The following PLP2 variants were observed in gnomAD, a reference collection of about 807,000 sequenced individuals.
PLP2 encodes proteolipid protein 2, also known as A4 differentiation-dependent protein.
PLP2 carries 8 observed loss-of-function variants against 11.4 expected under a neutral mutation model. The observed-to-expected ratio is 0.70, with a 90% CI of 0.41 to 1.27. PLP2 has a LOEUF of 1.27. Among genes scored for constraint, PLP2 ranks in the 50% most tolerant of loss-of-function variants. PLP2 has a pLI of 0.01. For synonymous variants in PLP2, 50 were observed against 53.2 expected, an observed-to-expected ratio of 0.94 and a Z score of 0.26; for missense variants, 127 against 123.5, an observed-to-expected ratio of 1.03 and a Z score of -0.14.
chrX:49,174,469 G>T, intron 4 of PLP2, 44 bp downstream of exon 4: 3 of 1,065,832 alleles, frequency 2.8e-6, no homozygotes, highest in Non-Finnish European at 3.9e-6. Context: ...GGGTTGCTGA[G>T]AGGGCAGAGG....
In PLP2 at chrX:49,175,029, C is replaced by T. The variant is rs782536375; in HGVS notation, c.*335C>T. ...GGTTGGGACCCACTCCAAATAATCTCCTCGGTGTGGGTGGTGGTTCTATAG... is the reference window on the plus strand; with the variant it reads ...GGTTGGGACCCACTCCAAATAATCTTCTCGGTGTGGGTGGTGGTTCTATAG... On this transcript the variant is annotated 3_prime_UTR_variant, in exon 5 of 5. Transcript: ENST00000376327. 72 of 385,861 alleles carry T rather than the reference C, an allele frequency of 1.9e-4. 1 individual carries two copies. In the South Asian group the frequency reaches 3.0e-3, roughly 16 times the overall value. The allele number at this position is 385,861 out of a possible 1,213,427, so 31.8% of individuals were successfully genotyped here.
intron 3 of PLP2, 75 bp from the exon 4 acceptor site, chrX:49,174,260 T>A: frequency 1.3e-6 from 1 of 770,663 alleles, no homozygotes; most frequent in Non-Finnish European, 2.0e-6. Context: ...CTGGAGGTGG[T>A]GGATACAAGA....
Position 49,173,465 on chromosome X carries a change from C to T in PLP2, c.327C>T (p.His109=), listed in dbSNP as rs782038363. Residue 109 remains histidine, a synonymous_variant, in exon 3 of 5, where the codon CAC becomes CAT. Coordinates refer to ENST00000376327, the MANE Select transcript of PLP2 (RefSeq NM_002668.3). ...SIVVLVERGN[H]SKIVAGVLGL... ...TTGTCCTTGTTGAGAGAGGAAACCA[C>T]TCCAAAATCGTCGCAGGGGTAAAGG... The T allele has an allele frequency of 1.7e-6, 2 of 1,210,016 alleles. No homozygotes were observed. Among genetic ancestry groups the T allele is most frequent in the African/African-American group, 1.7e-5 (1 of 57,146 alleles).
chrX:49,172,556 C>T (rs1396148360), intron 1 of PLP2, among the ~76,000 whole-genome samples: 1 of 112,077 alleles, frequency 8.9e-6, no homozygotes, highest in Non-Finnish European at 1.9e-5. Flanking sequence ...AGTTCTTCCT[C>T]GCCCTTCAGA....
intron 1 of PLP2, 40 bp from the exon 2 acceptor site, chrX:49,173,089 G>C: frequency 8.4e-7 from 1 of 1,184,979 alleles, no homozygotes. Flanking sequence ...CTCAGCCCTG[G>C]TTGCTGATTG....
rs1557099443 is a variant in PLP2, at chrX:49,173,370, C to T, written c.250-18C>T. Reference sequence around the variant, plus strand: ...CTGTGGTTGCTGACTTCCCTCTTCTCCTCCCTACACCTCACAGGATTTCTT... The same window carrying T: ...CTGTGGTTGCTGACTTCCCTCTTCTTCTCCCTACACCTCACAGGATTTCTT... On this transcript the variant is annotated intron_variant, in intron 2 of 4. Coordinates refer to ENST00000376327, the MANE Select transcript of PLP2 (RefSeq NM_002668.3). 8.3e-7 allele frequency: 1 copy of T among 1,207,906 alleles called. No homozygotes were observed. The highest frequency in any genetic ancestry group is 2.2e-5 in the Admixed American group (1 of 45,956).
chrX:49,174,403 A>G lies in PLP2; in HGVS notation c.414A>G (p.Pro138=), dbSNP rs371982481. Reference sequence around the variant, plus strand: ...ATGTCACCTTCCCCGTTCGGCAGCCAAGACATACAGCAGCCCCCACTGGTA... The same window carrying G: ...ATGTCACCTTCCCCGTTCGGCAGCCGAGACATACAGCAGCCCCCACTGGTA... ...DAYVTFPVRQ[P]RHTAAPTDPA... The change falls in exon 4 of 5, where the codon CCA becomes CCG. Residue 138 remains proline, a synonymous_variant. Transcript: ENST00000376327. 57 of 1,188,531 alleles carry G rather than the reference A, an allele frequency of 4.8e-5. No homozygotes were observed. Among genetic ancestry groups the G allele is most frequent in the Non-Finnish European group, 6.0e-5 (53 of 885,949 alleles).
intron 4 of PLP2, 75 bp downstream of exon 4, chrX:49,174,500 T>A: frequency 2.1e-6 from 2 of 963,915 alleles, no homozygotes; most frequent in Non-Finnish European, 3.0e-6. Context: ...AGGGATCTCT[T>A]AAAGGCACGA....
At chrX:49,174,627 G>T in intron 4 of PLP2, 45 bp from the exon 5 acceptor site, 1 of 1,161,020 alleles carries the variant, frequency 8.6e-7, no homozygotes, top group Non-Finnish European at 1.2e-6. Context: ...TAAAAAATGG[G>T]CATATAGATT....
Position 49,174,575 on chromosome X carries a change from T to C in PLP2, c.437-97T>C, listed in dbSNP as rs2065404861. The C allele has an allele frequency of 4.3e-6, 4 of 922,975 alleles. No homozygotes were observed. The Admixed American group carries it at 7.0e-5, about 16-fold the overall frequency. The allele number at this position is 922,975 out of a possible 1,213,427, so 76.1% of individuals were successfully genotyped here. ...TACCAATAGGTACCATAAGCTTCGGTATTCTTGTGTGTAAAATGTTCATGG... is the reference window on the plus strand; with the variant it reads ...TACCAATAGGTACCATAAGCTTCGGCATTCTTGTGTGTAAAATGTTCATGG... On this transcript the variant is annotated intron_variant, in intron 4 of 4. Transcript: ENST00000376327.
intron 1 of PLP2, among the ~76,000 whole-genome samples, chrX:49,172,408 G>T (rs2065395777): frequency 9.0e-6 from 1 of 111,561 alleles, no homozygotes; most frequent in African/African-American, 3.3e-5. Flanking sequence ...CTGGGAAGTG[G>T]GGGCCTCCTG....
Position 49,174,974 on chromosome X carries a change from G to C in PLP2, c.*280G>C. On this transcript the variant is annotated 3_prime_UTR_variant, in exon 5 of 5. Transcript: ENST00000376327. ...ACCTAAGTCACAAAATGAGGGAAGT[G>C]GGGAGTTAGATTTCAGAGTCCAGGC... 1 of 433,003 alleles carries C rather than the reference G, an allele frequency of 2.3e-6. No homozygotes were observed. The highest frequency in any genetic ancestry group is 3.8e-5 in the East Asian group (1 of 26,245). 35.7% of individuals were successfully genotyped at this position (433,003 alleles called of 1,213,427 possible).
intron 1 of PLP2, 23 bp downstream of exon 1, chrX:49,172,119 G>T: frequency 9.2e-7 from 1 of 1,082,229 alleles, no homozygotes. Context: ...GGGCAGGCGC[G>T]TGGGCAAAAG....
rs1168443276 is a variant in PLP2, at chrX:49,171,902, C to A, written c.-99C>A. On this transcript the variant is annotated 5_prime_UTR_variant, in exon 1 of 5. Transcript: ENST00000376327. ...CCTCCTTCGCCCCGGGGCCCCCTTCCCGGCCAGACGGCGGGCAAGACAGCT... is the reference window on the plus strand; with the variant it reads ...CCTCCTTCGCCCCGGGGCCCCCTTCACGGCCAGACGGCGGGCAAGACAGCT... 3.1e-6 allele frequency: 2 copies of A among 635,383 alleles called. No individual in the cohort carries two copies. The highest frequency in any genetic ancestry group is 2.2e-5 in the African/African-American group (1 of 46,087). 52.4% of individuals were successfully genotyped at this position (635,383 alleles called of 1,213,427 possible).
At position 49,174,950 on chromosome X, in the gene PLP2, C is replaced by A; in HGVS notation, c.*256C>A. 2 of 439,436 alleles carry A rather than the reference C, an allele frequency of 4.6e-6. No individual in the cohort carries two copies. Among genetic ancestry groups the A allele is most frequent in the Non-Finnish European group, 8.0e-6 (2 of 249,770 alleles). 36.2% of individuals were successfully genotyped at this position (439,436 alleles called of 1,213,427 possible). On this transcript the variant is annotated 3_prime_UTR_variant, in exon 5 of 5. Transcript: ENST00000376327. Reference sequence around the variant, plus strand: ...CAGTTCTGACTGAACCATGCCCCCACCTAAGTCACAAAATGAGGGAAGTGG... The same window carrying A: ...CAGTTCTGACTGAACCATGCCCCCAACTAAGTCACAAAATGAGGGAAGTGG...
rs1557099572 is a variant in PLP2 at position 49,174,409 on chromosome X, T to A, written c.420T>A (p.His140Gln). 1 of 1,176,171 alleles carries A rather than the reference T, an allele frequency of 8.5e-7. No individual in the cohort carries two copies. The highest frequency in any genetic ancestry group is 1.1e-6 in the Non-Finnish European group (1 of 879,223). Residue 140 changes from histidine (H) to glutamine (Q), a missense_variant, in exon 4 of 5, where the codon CAT (histidine) becomes CAA (glutamine). By Grantham distance (24) the His-to-Gln change is conservative (BLOSUM62 0). Transcript: ENST00000376327. ...YVTFPVRQPRHTAAPTDPADG... is the reference protein window; with the variant it reads ...YVTFPVRQPRQTAAPTDPADG... ...CCTTCCCCGTTCGGCAGCCAAGACATACAGCAGCCCCCACTGGTAAGTGTG... is the reference window on the plus strand; with the variant it reads ...CCTTCCCCGTTCGGCAGCCAAGACAAACAGCAGCCCCCACTGGTAAGTGTG...
chrX:49,173,971 G>A (rs1313995270), intron 3 of PLP2, among the ~76,000 whole-genome samples: 2 of 111,502 alleles, frequency 1.8e-5, no homozygotes, highest in Non-Finnish European at 3.8e-5. Context: ...TCAGGAGGCT[G>A]AGGCAGGAGA....
At position 49,175,122 on chromosome X, in the gene PLP2, G is replaced by T; in HGVS notation, c.*428G>T. 4.8e-6 allele frequency: 1 copy of T among 206,718 alleles called. No homozygotes were observed. Among genetic ancestry groups the T allele is most frequent in the Non-Finnish European group, 8.8e-6 (1 of 112,997 alleles). The allele number at this position is 206,718 out of a possible 1,213,427, so 17.0% of individuals were successfully genotyped here. A position where few individuals can be genotyped will look rare whatever the true frequency, so the allele number is the denominator to read the frequency against. On this transcript the variant is annotated 3_prime_UTR_variant, in exon 5 of 5. Transcript: ENST00000376327. Reference sequence around the variant, plus strand: ...GAATAAAGTAATCCTTTCATCAAATGTGGGTAAATTTCAAGCATCAGGAGG... The same window carrying T: ...GAATAAAGTAATCCTTTCATCAAATTTGGGTAAATTTCAAGCATCAGGAGG...
chrX:49,171,912 G>T lies in PLP2; in HGVS notation c.-89G>T. ...CCCGGGGCCCCCTTCCCGGCCAGACGGCGGGCAAGACAGCTGGGTGTACAG... is the reference window on the plus strand; with the variant it reads ...CCCGGGGCCCCCTTCCCGGCCAGACTGCGGGCAAGACAGCTGGGTGTACAG... On this transcript the variant is annotated 5_prime_UTR_variant, in exon 1 of 5. Coordinates refer to ENST00000376327, the MANE Select transcript of PLP2 (RefSeq NM_002668.3). 1.5e-6 allele frequency: 1 copy of T among 667,742 alleles called. No individual in the cohort carries two copies. Among genetic ancestry groups the T allele is most frequent in the East Asian group, 3.5e-5 (1 of 28,492 alleles). The allele number at this position is 667,742 out of a possible 1,213,427, so 55.0% of individuals were successfully genotyped here.
Sources: allele counts gnomAD v4.1 joint callset (sites outside exome capture counted in the v4.1 genomes callset), GRCh38; gene constraint gnomAD v4.1.1; transcripts MANE v1.5; gene names NCBI Gene and HGNC (gene_info 2026-07-23, HGNC 2026-07-21).